Variants in TTC39B observed in about 807,000 individuals in gnomAD.
TTC39B encodes the protein tetratricopeptide repeat domain 39B, also known as tetratricopeptide repeat protein 39B.
Under a neutral mutation model 96.6 loss-of-function variants are expected in TTC39B, and 92 were observed. The observed-to-expected ratio is 0.95, with a 90% CI of 0.80 to 1.13. TTC39B has a LOEUF of 1.13. Among genes scored for constraint, TTC39B ranks in the 50% most tolerant of loss-of-function variants. The pLI, the probability that TTC39B is intolerant of heterozygous loss-of-function variation, is 0.00. For missense variants in TTC39B, 955 were observed against 809.3 expected, an observed-to-expected ratio of 1.18 and a Z score of -2.18; for synonymous variants, 367 against 299.4, an observed-to-expected ratio of 1.23 and a Z score of -2.33.
intron 6 of TTC39B, among the ~76,000 whole-genome samples, chr9:15,209,406 T>C (rs972490316): frequency 6.6e-6 from 1 of 152,180 alleles, no homozygotes; most frequent in Non-Finnish European, 1.5e-5. Context: ...TCTTCCATAC[T>C]GTGAAACATT....
At chr9:15,176,130 T>C (rs545056878) in intron 18 of TTC39B, among the ~76,000 whole-genome samples, 2 of 152,320 alleles carry the variant, frequency 1.3e-5, no homozygotes, top group South Asian at 4.1e-4. Context: ...AAAAAACCTT[T>C]AGGGTACCTG....
chr9:15,199,132 A>AC (rs1340644065), intron 8 of TTC39B, among the ~76,000 whole-genome samples: 1 of 152,208 alleles, frequency 6.6e-6, no homozygotes, highest in African/African-American at 2.4e-5. Context: ...TAAATAACAG[A>AC]CAACTGGATA....
intron 8 of TTC39B, among the ~76,000 whole-genome samples, chr9:15,192,959 C>G (rs1818944667): frequency 6.6e-6 from 1 of 152,166 alleles, no homozygotes; most frequent in Non-Finnish European, 1.5e-5. Context: ...TGGCAAGCAC[C>G]AGCCAGGAGC....
intron 3 of TTC39B, among the ~76,000 whole-genome samples, chr9:15,216,343 A>C (rs914049589): frequency 6.6e-6 from 1 of 152,318 alleles, no homozygotes; most frequent in South Asian, 2.1e-4. Flanking sequence ...GACGGGTACA[A>C]CTGCTCTGAG....
chr9:15,191,068 G>T, intron 10 of TTC39B, 122 bp downstream of exon 10: 1 of 715,944 alleles, frequency 1.4e-6, no homozygotes, highest in Non-Finnish European at 2.4e-6. Flanking sequence ...CTTATTTTCT[G>T]TCCTACAAAC....
chr9:15,218,615 G>T (rs1391272702), intron 3 of TTC39B, among the ~76,000 whole-genome samples: 2 of 125,828 alleles, frequency 1.6e-5, no homozygotes, highest in Non-Finnish European at 3.4e-5. Context: ...AAGGCAGGAT[G>T]AATTTTTTAG....
chr9:15,189,531 C>T, intron 13 of TTC39B, 43 bp downstream of exon 13: 1 of 1,598,442 alleles, frequency 6.3e-7, no homozygotes, highest in Non-Finnish European at 8.6e-7. Flanking sequence ...TAGGAGTCGC[C>T]ATACAGACAA....
chr9:15,167,028 A>ATATATTTTTTTT (rs1554758710), exon 20 of TTC39B: 1 of 11,034 alleles, frequency 9.1e-5, no homozygotes, highest in Non-Finnish European at 1.6e-4. Context: ...ATATATATAT[A>ATATATTTTTTTT]TTTTTTTTTT....
In TTC39B at chr9:15,211,255, A is replaced by T; in HGVS notation, c.614+11T>A. 6.6e-7 allele frequency: 1 copy of T among 1,508,804 alleles called. No homozygotes were observed. The highest frequency in any genetic ancestry group is 8.9e-7 in the Non-Finnish European group (1 of 1,129,018). The allele number at this position is 1,508,804 out of a possible 1,614,324, so 93.5% of individuals were successfully genotyped here. ...GCAGTCACATCTTAAGTATTTAATG[A>T]CTCGTCATACTTTTGGCAGGTTTGT... On this transcript the variant is annotated intron_variant, in intron 5 of 19. Coordinates refer to ENST00000512701, the Ensembl canonical transcript of TTC39B.
chr9:15,172,009 C>T, exon 20 of TTC39B: 1 of 1,607,018 alleles, frequency 6.2e-7, no homozygotes, highest in Non-Finnish European at 8.5e-7. Flanking sequence ...TTCCATCCTT[C>T]AAGTTCTGAT....
rs1817535523 is a variant in TTC39B, at chr9:15,167,005, TATATATATATATA to T, written c.*5001_*5013del. The T allele has an allele frequency of 1.8e-3, 14 of 7,684 alleles. 1 individual carries two copies. Among genetic ancestry groups the T allele is most frequent in the African/African-American group, 5.1e-3 (12 of 2,334 alleles). 0.5% of individuals were successfully genotyped at this position (7,684 alleles called of 1,614,324 possible). On this transcript the variant is annotated 3_prime_UTR_variant, in exon 20 of 20. Transcript: ENST00000512701. ...TTTTATATATATATATATATATATA[TATATATATATATA>T]TATATATATATTTTTTTTTTTTTTT...
intron 3 of TTC39B, among the ~76,000 whole-genome samples, chr9:15,223,709 G>A (rs1197025831): frequency 2.0e-5 from 3 of 152,148 alleles, no homozygotes; most frequent in African/African-American, 7.2e-5. Flanking sequence ...GAGAATGTCT[G>A]TTGTTTAGTT....
intron 2 of TTC39B, among the ~76,000 whole-genome samples, chr9:15,233,702 G>A (rs1023329666): frequency 3.3e-5 from 5 of 152,138 alleles, no homozygotes; most frequent in African/African-American, 9.7e-5. Flanking sequence ...ATCTCGGCTC[G>A]CTACAACATC....
chr9:15,184,194 T>A lies in TTC39B; in HGVS notation c.1614+1086A>T, dbSNP rs527864079. Among the ~76,000 whole-genome samples, 5 of 152,302 alleles carry A rather than the reference T, an allele frequency of 3.3e-5. No homozygotes were observed. The East Asian group carries it at 5.8e-4, about 18-fold the overall frequency. ...AATTAAAATGGTAAAATACTATCAG[T>A]ACTTATTTAAATTGGTAGAGCTTTT... On this transcript the variant is annotated intron_variant, in intron 16 of 19. Transcript: ENST00000512701.
chr9:15,214,382 G>T, intron 3 of TTC39B, 133 bp from the exon 4 acceptor site: 1 of 643,564 alleles, frequency 1.6e-6, no homozygotes, highest in Non-Finnish European at 2.6e-6. Flanking sequence ...GTCTGTGTGT[G>T]GATTCTGGAG....
At chr9:15,227,747 C>G (rs1184646077) in intron 2 of TTC39B, among the ~76,000 whole-genome samples, 1 of 152,100 alleles carries the variant, frequency 6.6e-6, no homozygotes, top group African/African-American at 2.4e-5. Flanking sequence ...GACTCATTTT[C>G]GAGGGCTAGA....
exon 20 of TTC39B, chr9:15,170,589 GA>G (rs1434097064): frequency 1.3e-5 from 2 of 152,140 alleles, no homozygotes; most frequent in African/African-American, 4.8e-5. Flanking sequence ...CTGAACCCCT[GA>G]AAAGCTGAGC....
chr9:15,166,953 T>C (rs1443067789), exon 20 of TTC39B: 1 of 120,518 alleles, frequency 8.3e-6, no homozygotes, highest in Admixed American at 9.2e-5. Flanking sequence ...ATTCTCTAAA[T>C]GGGTAACATG....
Position 15,306,861 on chromosome 9 carries a change from G to A in TTC39B, c.240+223C>T. 6.6e-6 allele frequency among the ~76,000 whole-genome samples: 1 copy of A among 151,352 alleles called. No homozygotes were observed. Among genetic ancestry groups the A allele is most frequent in the East Asian group, 2.0e-4 (1 of 5,052 alleles). On this transcript the variant is annotated intron_variant, in intron 1 of 19. Transcript: ENST00000512701. The surrounding 1 kb of genome is among the most constrained non-coding windows in gnomAD (Gnocchi z 5.1). Reference sequence around the variant, plus strand: ...CCACGACTCGCGGGGCCGGCGCTCCGAACCTCGGCACTGCGTCCGCTCCGC... The same window carrying A: ...CCACGACTCGCGGGGCCGGCGCTCCAAACCTCGGCACTGCGTCCGCTCCGC...
Sources: gnomAD v4.1 joint callset for allele counts (sites outside exome capture counted in the v4.1 genomes callset) on GRCh38, gnomAD v4.1.1 for gene constraint, Gnocchi (gnomAD v3.1) non-coding constraint, MANE v1.5 for transcripts, NCBI Gene and HGNC (gene_info 2026-07-23, HGNC 2026-07-21) for gene names.